The following QRICH1 variants were observed in gnomAD, a reference collection of about 807,000 sequenced individuals.
QRICH1 encodes the protein transcriptional regulator QRICH1.
QRICH1 carries 16 observed loss-of-function variants against 87.1 expected under a neutral mutation model. The observed-to-expected ratio is 0.18, with a 90% CI of 0.12 to 0.28. QRICH1 has a LOEUF of 0.28. Among genes scored for constraint, QRICH1 ranks in the 10% least tolerant of loss-of-function variants. The pLI is 1.00. For synonymous variants in QRICH1, 367 were observed against 368.4 expected (o/e 1.00, Z 0.05); for missense variants, 647 against 951.7 (o/e 0.68, Z 4.21).
chr3:49,091,868 C>A (rs557757605), intron 1 of QRICH1, among the ~76,000 whole-genome samples: 3 of 152,188 alleles, frequency 2.0e-5, no homozygotes, highest in South Asian at 2.1e-4. Flanking sequence ...GTCAGGAGTT[C>A]GAGACCAGTC....
At chr3:49,092,590 T>G (rs2042297042) in intron 1 of QRICH1, 1 of 152,178 alleles carries the variant, frequency 6.6e-6, no homozygotes, top group Non-Finnish European at 1.5e-5. Flanking sequence ...TGGCTAATTT[T>G]ACTTCCTCTT....
chr3:49,041,685 G>A (rs1575329065), intron 6 of QRICH1, among the ~76,000 whole-genome samples: 1 of 151,718 alleles, frequency 6.6e-6, no homozygotes, highest in South Asian at 2.1e-4. Context: ...GGCTGGAGTG[G>A]AGTGGCGTGG....
intron 1 of QRICH1, among the ~76,000 whole-genome samples, chr3:49,090,700 C>A (rs562340129): frequency 2.5e-4 from 38 of 151,854 alleles, no homozygotes; most frequent in African/African-American, 8.4e-4. Context: ...CCATTTCTAC[C>A]TACAGTTTTG....
At chr3:49,059,128 AT>A (rs1164742978) in intron 2 of QRICH1, among the ~76,000 whole-genome samples, 9 of 145,598 alleles carry the variant, frequency 6.2e-5, no homozygotes, top group Non-Finnish European at 6.1e-5. Context: ...CACCCGGCTA[AT>A]TTTTTTTTTG....
intron 1 of QRICH1, among the ~76,000 whole-genome samples, chr3:49,079,389 A>C (rs1007345295): frequency 3.3e-5 from 5 of 150,602 alleles, no homozygotes; most frequent in African/African-American, 7.3e-5. Context: ...CATCTGTTAA[A>C]AGAAATAAAT....
At chr3:49,044,525 A>G (rs1237979525) in intron 5 of QRICH1, 21 bp from the exon 6 acceptor site, 3 of 1,515,584 alleles carry the variant, frequency 2.0e-6, no homozygotes, top group Non-Finnish European at 2.7e-6. Flanking sequence ...AACAATTAAT[A>G]GAAGTTATTG....
At chr3:49,063,041 T>C (rs1001404190) in intron 2 of QRICH1, among the ~76,000 whole-genome samples, 1 of 151,714 alleles carries the variant, frequency 6.6e-6, no homozygotes, top group Admixed American at 6.6e-5. Context: ...CAGACTTCAA[T>C]GTGAATTGAT....
chr3:49,039,418 T>C (rs1374687787), intron 6 of QRICH1, among the ~76,000 whole-genome samples: 1 of 149,718 alleles, frequency 6.7e-6, no homozygotes, highest in Non-Finnish European at 1.5e-5. Context: ...CGGTGGCTCA[T>C]GCCTGAAATC....
intron 9 of QRICH1, among the ~76,000 whole-genome samples, chr3:49,031,886 A>AC (rs2093242630): frequency 6.6e-6 from 1 of 152,262 alleles, no homozygotes; most frequent in Non-Finnish European, 1.5e-5. Context: ...GGTCAAGGTC[A>AC]GGAAGCAGGG....
chr3:49,069,256 C>T (rs571301413), intron 2 of QRICH1, among the ~76,000 whole-genome samples: 20 of 151,850 alleles, frequency 1.3e-4, no homozygotes, highest in Admixed American at 1.3e-3. Context: ...GTGCCCACCA[C>T]CACACCTGGC....
Position 49,076,992 on chromosome 3 carries a change from A to G in QRICH1, c.26T>C (p.Ile9Thr). Residue 9 changes from isoleucine (I) to threonine (T), a missense_variant, in exon 2 of 10, where the codon ATC (isoleucine) becomes ACC (threonine). Ile to Thr is a moderately conservative substitution (Grantham distance 89). This residue lies in a region of QRICH1 where 56 missense variants were observed against 109.6 expected (regional missense o/e 0.51). Coordinates refer to ENST00000395443, the MANE Select transcript of QRICH1 (RefSeq NM_198880.3). Reference protein sequence around the residue: MNNSLENTISFEEYIRVKA... With the variant: MNNSLENTTSFEEYIRVKA... ...TACTCGGATGTACTCTTCAAAGGAGATGGTGTTCTCTAGGGAATTATTCAT... is the reference window on the plus strand; with the variant it reads ...TACTCGGATGTACTCTTCAAAGGAGGTGGTGTTCTCTAGGGAATTATTCAT... 1 of 1,515,922 alleles carries G rather than the reference A, an allele frequency of 6.6e-7. No individual in the cohort carries two copies. Among genetic ancestry groups the G allele is most frequent in the South Asian group, 1.3e-5 (1 of 77,028 alleles). The allele number at this position is 1,515,922 out of a possible 1,614,324, so 93.9% of individuals were successfully genotyped here. A position where few individuals can be genotyped will look rare whatever the true frequency, so the allele number is the denominator to read the frequency against.
At chr3:49,088,435 A>G (rs2042211311) in intron 1 of QRICH1, among the ~76,000 whole-genome samples, 1 of 151,882 alleles carries the variant, frequency 6.6e-6, no homozygotes, top group South Asian at 2.1e-4. Flanking sequence ...AGCTTGAACT[A>G]CAGGCGCACG....
At chr3:49,084,192 C>T (rs1023347873) in intron 1 of QRICH1, among the ~76,000 whole-genome samples, 2 of 152,098 alleles carry the variant, frequency 1.3e-5, no homozygotes, top group Admixed American at 6.5e-5. Flanking sequence ...GTAATCCACT[C>T]GCTTCCACCT....
At chr3:49,034,221 T>C (rs574975599) in intron 6 of QRICH1, among the ~76,000 whole-genome samples, 3 of 151,520 alleles carry the variant, frequency 2.0e-5, no homozygotes, top group Non-Finnish European at 4.4e-5. Flanking sequence ...GGTGGGAGAA[T>C]TGTTTGAGCC....
rs1349719107 is a variant in QRICH1, at chr3:49,057,880, T to C, written c.320A>G (p.Gln107Arg). ...QQPQQVQVQVQVQQSPQQVSA... is the reference protein window; with the variant it reads ...QQPQQVQVQVRVQQSPQQVSA... ...GACCTGTTGCGGAGACTGCTGTACC[T>C]GCACCTGGACCTGTAAGCAACAAGA... is the stretch of plus-strand genomic sequence containing the variant. The change falls in exon 3 of 10, where the codon CAG becomes CGG. Residue 107 changes from glutamine to arginine, a missense_variant. Gln to Arg is a conservative substitution (Grantham distance 43, BLOSUM62 1). Transcript: ENST00000395443. This position sits in a 1 kb window ranked among gnomAD's most constrained non-coding sequence, Gnocchi z 5.4. 1 of 1,614,000 alleles carries C rather than the reference T, an allele frequency of 6.2e-7. No individual in the cohort carries two copies. Among genetic ancestry groups the C allele is most frequent in the East Asian group, 2.2e-5 (1 of 44,882 alleles).
intron 1 of QRICH1, among the ~76,000 whole-genome samples, chr3:49,089,015 T>A (rs932313963): frequency 6.6e-6 from 1 of 151,912 alleles, no homozygotes; most frequent in Non-Finnish European, 1.5e-5. Flanking sequence ...GCCAGAGGAG[T>A]CCCTGGTTTA....
At chr3:49,046,103 T>C (rs973774499) in intron 5 of QRICH1, among the ~76,000 whole-genome samples, 4 of 151,564 alleles carry the variant, frequency 2.6e-5, no homozygotes, top group Non-Finnish European at 5.9e-5. Context: ...TTTTAGTGGA[T>C]GGGGTTTCAC....
rs1162254467 is a variant in QRICH1, at chr3:49,030,991, C to CTTTTT, written c.2139-352_2139-348dup. On this transcript the variant is annotated intron_variant, in intron 9 of 9. Transcript: ENST00000395443. Reference sequence around the variant, plus strand: ...AAGCGTCTATCTCCAAGTCTTTGCGCTTTTTTTTTTTTTTTTTTTGAGATG... The same window carrying CTTTTT: ...AAGCGTCTATCTCCAAGTCTTTGCGCTTTTTTTTTTTTTTTTTTTTTTTTGAGATG... Among the ~76,000 whole-genome samples, 165 of 132,444 alleles carry CTTTTT rather than the reference C, an allele frequency of 1.2e-3. 2 individuals are homozygous for CTTTTT. The highest frequency in any genetic ancestry group is 4.4e-3 in the African/African-American group (158 of 35,854). The allele number at this position is 132,444 out of a possible 152,430, so 86.9% of individuals were successfully genotyped here. A position where few individuals can be genotyped will look rare whatever the true frequency, so the allele number is the denominator to read the frequency against.
In QRICH1 at chr3:49,057,569, TCTG is replaced by T. The variant is rs779834233; in HGVS notation, c.628_630del (p.Gln210del). 6.2e-7 allele frequency: 1 copy of T among 1,613,424 alleles called. No homozygotes were observed. The highest frequency in any genetic ancestry group is 8.5e-7 in the Non-Finnish European group (1 of 1,179,526). The stretch of plus-strand genomic sequence containing the variant: ...AGGGCACCCACGGTCTGGATTTGGA[TCTG>T]CTGACCACCAGCAAGAGACTGGCCA... On this transcript the variant is annotated inframe_deletion, in exon 3 of 10. Transcript: ENST00000395443. This position sits in a 1 kb window ranked among gnomAD's most constrained non-coding sequence, Gnocchi z 5.4.
Sources: gnomAD v4.1 joint callset for allele counts (sites outside exome capture counted in the v4.1 genomes callset) on GRCh38, gnomAD v4.1.1 for gene constraint, gnomAD v4.1.1 regional missense constraint, Gnocchi (gnomAD v3.1) non-coding constraint, MANE v1.5 for transcripts, NCBI Gene and HGNC (gene_info 2026-07-23, HGNC 2026-07-21) for gene names.